CAND1: variants seen among roughly 807,000 people sequenced by gnomAD.
CAND1 encodes the protein cullin-associated NEDD8-dissociated protein 1.
CAND1 carries 7 observed loss-of-function variants against 108.5 expected under a neutral mutation model. That is an observed-to-expected ratio of 0.06 (90% CI 0.04 to 0.12). The LOEUF (loss-of-function observed/expected upper bound fraction) is 0.12. CAND1 is among the 10% of genes least tolerant of loss of function. The probability of loss-of-function intolerance (pLI) is 1.00; values close to 1 mark genes in which losing one functional copy is unlikely to be tolerated. For missense variants in CAND1, 941 were observed against 1,448.7 expected (o/e 0.65, Z 5.69); for synonymous variants, 534 against 512.0 (o/e 1.04, Z -0.58).
In CAND1 at chr12:67,292,790, C is replaced by T; in HGVS notation, c.367+14C>T. 1 of 1,611,516 alleles carries T rather than the reference C, an allele frequency of 6.2e-7. No individual in the cohort carries two copies. Among genetic ancestry groups the T allele is most frequent in the South Asian group, 1.1e-5 (1 of 90,440 alleles). ...CAGCTTCCAGTGGTAAGCAAGAGCA[C>T]ATTTTTCTTCCTATTTCTTTTTGTG... On this transcript the variant is annotated intron_variant, in intron 3 of 14. Coordinates refer to ENST00000545606, the MANE Select transcript of CAND1 (RefSeq NM_018448.5).
intron 14 of CAND1, 129 bp downstream of exon 14, chr12:67,311,929 C>CT: frequency 1.7e-6 from 1 of 579,358 alleles, no homozygotes; most frequent in Non-Finnish European, 3.2e-6. Context: ...AAAAGTTAAC[C>CT]TATCGAATAC....
chr12:67,269,818 G>C (rs749804059), intron 1 of CAND1, 33 bp downstream of exon 1: 2 of 1,581,266 alleles, frequency 1.3e-6, no homozygotes, highest in African/African-American at 2.8e-5. Context: ...ACCCCACCTC[G>C]GGGTTCTCGC....
chr12:67,295,450 T>C (rs2044760556), intron 4 of CAND1, among the ~76,000 whole-genome samples: 1 of 152,196 alleles, frequency 6.6e-6, no homozygotes. Context: ...CATATATTCT[T>C]GCATTCAGTG....
chr12:67,287,051 A>G (rs74371972), intron 2 of CAND1, among the ~76,000 whole-genome samples: 13,240 of 152,260 alleles, frequency 0.087, 797 homozygotes, highest in Non-Finnish European at 0.13. Context: ...CATTCATTGT[A>G]ACTCAGGGTT....
chr12:67,307,388 T>C lies in CAND1; in HGVS notation c.2930-9T>C. On this transcript the variant is annotated splice_polypyrimidine_tract_variant and intron_variant, in intron 10 of 14. Transcript: ENST00000545606. ...CATACCAATAGACTTGCAATTTATTTTTAACTAGGCTCATCATATGCCCGA... is the reference window on the plus strand; with the variant it reads ...CATACCAATAGACTTGCAATTTATTCTTAACTAGGCTCATCATATGCCCGA... 1 of 1,605,654 alleles carries C rather than the reference T, an allele frequency of 6.2e-7. No individual in the cohort carries two copies. Among genetic ancestry groups the C allele is most frequent in the Middle Eastern group, 1.7e-4 (1 of 6,056 alleles).
At position 67,273,284 on chromosome 12, in the gene CAND1, G is replaced by T. The variant is rs77417165; in HGVS notation, c.68+3499G>T. Among the ~76,000 whole-genome samples, 1,074 of 152,146 alleles carry T rather than the reference G, an allele frequency of 7.1e-3. 26 individuals carry two copies. The East Asian group carries it at 0.09, about 13-fold the overall frequency. On this transcript the variant is annotated intron_variant, in intron 1 of 14. Coordinates refer to ENST00000545606, the MANE Select transcript of CAND1 (RefSeq NM_018448.5). ...TTTGCCAGAAAACATTTGTACCAGT[G>T]TATATAGTTATTTTAAGGACCTCTA...
intron 2 of CAND1, among the ~76,000 whole-genome samples, chr12:67,282,999 T>C (rs1254459010): frequency 6.6e-6 from 1 of 152,236 alleles, no homozygotes; most frequent in African/African-American, 2.4e-5. Context: ...TGTCAACTTT[T>C]AGAAACCCTT....
intron 7 of CAND1, among the ~76,000 whole-genome samples, chr12:67,301,872 A>G (rs896215616): frequency 1.4e-4 from 22 of 152,094 alleles, no homozygotes; most frequent in African/African-American, 4.3e-4. Context: ...CACCTACTCT[A>G]TTACCACAAA....
chr12:67,286,960 C>T (rs531431065), intron 2 of CAND1, among the ~76,000 whole-genome samples: 40 of 152,312 alleles, frequency 2.6e-4, no homozygotes, highest in African/African-American at 8.4e-4. Context: ...AATCAATTGA[C>T]TATAAAAGTG....
intron 3 of CAND1, among the ~76,000 whole-genome samples, chr12:67,294,108 A>G (rs1035134685): frequency 6.6e-6 from 1 of 152,188 alleles, no homozygotes; most frequent in South Asian, 2.1e-4. Flanking sequence ...ACTCAGAAGT[A>G]TGTTATTTAT....
chr12:67,289,632 CTCCCAGAGTGCTCGGA>C (rs1243196637), intron 2 of CAND1, among the ~76,000 whole-genome samples: 2 of 152,208 alleles, frequency 1.3e-5, no homozygotes, highest in East Asian at 3.9e-4. Context: ...TCGCCTCAGT[CTCCCAGAGTGCTCGGA>C]TTACAATCGT....
In CAND1 at chr12:67,302,486, G is replaced by C. The variant is rs144692083; in HGVS notation, c.1164G>C (p.Glu388Asp). The change falls in exon 8 of 15, where the codon GAG becomes GAC. Residue 388 changes from glutamate (E) to aspartate (D), a missense_variant. Coordinates refer to ENST00000545606, the MANE Select transcript of CAND1 (RefSeq NM_018448.5). ...ALISRFKERE[E>D]NVKADVFHAY... Reference sequence around the variant, plus strand: ...TATCCAGATTTAAAGAGCGTGAAGAGAATGTAAAGGCAGATGTTTTTCACG... The same window carrying C: ...TATCCAGATTTAAAGAGCGTGAAGACAATGTAAAGGCAGATGTTTTTCACG... 1.9e-6 allele frequency: 3 copies of C among 1,614,044 alleles called. No individual in the cohort carries two copies. Among genetic ancestry groups the C allele is most frequent in the Non-Finnish European group, 1.7e-6 (2 of 1,179,990 alleles).
Position 67,269,630 on chromosome 12 carries a change from G to A in CAND1, c.-88G>A. The A allele has an allele frequency of 8.5e-7, 1 of 1,172,328 alleles. No homozygotes were observed. The highest frequency in any genetic ancestry group is 1.2e-6 in the Non-Finnish European group (1 of 806,936). 72.6% of individuals were successfully genotyped at this position (1,172,328 alleles called of 1,614,324 possible). On this transcript the variant is annotated 5_prime_UTR_variant, in exon 1 of 15. Transcript: ENST00000545606. ...GAAGCGGGAGCCGCCGCGAGCGAGA[G>A]GAGGAGCTCCAGTGGCGGCGGCGGC...
At position 67,310,003 on chromosome 12, in the gene CAND1, A is replaced by G. The variant is rs1485895707; in HGVS notation, c.3128A>G (p.Asp1043Gly). 1 of 1,612,014 alleles carries G rather than the reference A, an allele frequency of 6.2e-7. No homozygotes were observed. The highest frequency in any genetic ancestry group is 8.5e-7 in the Non-Finnish European group (1 of 1,178,324). ...CATAACAAGCCATCATTAATAAGGG[A>G]TCTATTGGATACTGTTCTTCCACAT... The part of the protein sequence containing the change: ...AAHNKPSLIR[D>G]LLDTVLPHLY... The change falls in exon 12 of 15, where the codon GAT becomes GGT. Residue 1043 changes from aspartate to glycine, a missense_variant. Physicochemically the swap from Asp to Gly is moderately conservative, Grantham distance 94. This residue lies in a region of CAND1 where 106 missense variants were observed against 182.0 expected (regional missense o/e 0.58). Transcript: ENST00000545606.
At chr12:67,309,004 G>T (rs1409907161) in intron 11 of CAND1, among the ~76,000 whole-genome samples, 1 of 151,896 alleles carries the variant, frequency 6.6e-6, no homozygotes, top group Non-Finnish European at 1.5e-5. Context: ...ATAGAGTTGA[G>T]ATCATATAAT....
chr12:67,292,837 T>G, intron 3 of CAND1, 61 bp downstream of exon 3: 3 of 1,507,274 alleles, frequency 2.0e-6, no homozygotes, highest in Non-Finnish European at 2.7e-6. Context: ...CTCCCCACCC[T>G]TTTTTCCCCT....
chr12:67,318,882 A>T lies in CAND1; in HGVS notation c.*6052A>T, dbSNP rs2045033812. The T allele has an allele frequency of 3.3e-5, 5 of 152,200 alleles. No homozygotes were observed. The allele number at this position is 152,200 out of a possible 1,614,324, so 9.4% of individuals were successfully genotyped here. On this transcript the variant is annotated 3_prime_UTR_variant, in exon 15 of 15. Coordinates refer to ENST00000545606, the MANE Select transcript of CAND1 (RefSeq NM_018448.5). ...ATGGTCCATTCAACATGAGTGAGAC[A>T]GAAACAATTCATAAAGGAGATGAAA... is the stretch of plus-strand genomic sequence containing the variant.
rs2044953230 is a variant in CAND1 at position 67,311,817 on chromosome 12, A to G, written c.3468+17A>G. On this transcript the variant is annotated intron_variant, in intron 14 of 14. Coordinates refer to ENST00000545606, the MANE Select transcript of CAND1 (RefSeq NM_018448.5). ...ACAACTAAGGTAAGAAATGATAAGT[A>G]TCAACCTAGGTCAGACTTGGTGTAT... The G allele has an allele frequency of 3.4e-6, 5 of 1,453,460 alleles. No individual in the cohort carries two copies. The highest frequency in any genetic ancestry group is 4.5e-5 in the East Asian group (2 of 44,042). 90.0% of individuals were successfully genotyped at this position (1,453,460 alleles called of 1,614,324 possible). A position where few individuals can be genotyped will look rare whatever the true frequency, so the allele number is the denominator to read the frequency against.
At chr12:67,294,454 G>A (rs1412215080) in intron 3 of CAND1, among the ~76,000 whole-genome samples, 1 of 152,024 alleles carries the variant, frequency 6.6e-6, no homozygotes, top group Non-Finnish European at 1.5e-5. Context: ...TTAATTCACT[G>A]AAGTTTAAAA....
Sources: allele counts gnomAD v4.1 joint callset (sites outside exome capture counted in the v4.1 genomes callset), GRCh38; gene constraint gnomAD v4.1.1; regional missense constraint gnomAD v4.1.1; transcripts MANE v1.5; gene names NCBI Gene and HGNC (gene_info 2026-07-23, HGNC 2026-07-21).